The following FAT3 variants were observed in gnomAD, a reference collection of about 807,000 sequenced individuals.
The protein encoded by FAT3 is FAT atypical cadherin 3.
FAT3 carries 95 observed loss-of-function variants against 310.2 expected under a neutral mutation model. The observed-to-expected ratio is 0.31, with a 90% CI of 0.26 to 0.36. FAT3 has a LOEUF of 0.36. Among genes scored for constraint, FAT3 ranks in the 10% least tolerant of loss-of-function variants. The pLI, the probability that FAT3 is intolerant of heterozygous loss-of-function variation, is 1.00. For synonymous variants in FAT3, 2,314 were observed against 2,192.9 expected (o/e 1.06, Z -1.54); for missense variants, 5,408 against 5,715.6 (o/e 0.95, Z 1.74).
chr11:92,336,017 C>T, intron 1 of FAT3: 4 of 479,840 alleles, frequency 8.3e-6, no homozygotes, highest in South Asian at 6.4e-5. Flanking sequence ...TTCTTGAGCT[C>T]CACTCAGCAA....
At chr11:92,862,754 A>C (rs1949151208) in intron 21 of FAT3, among the ~76,000 whole-genome samples, 1 of 152,344 alleles carries the variant, frequency 6.6e-6, no homozygotes, top group East Asian at 1.9e-4. Flanking sequence ...ATTTTGTAGT[A>C]ATAATAAGAT....
chr11:92,520,740 C>T (rs1486028393), intron 2 of FAT3, among the ~76,000 whole-genome samples: 2 of 152,064 alleles, frequency 1.3e-5, no homozygotes, highest in Non-Finnish European at 2.9e-5. Context: ...GGATGAAACT[C>T]AGTAATTAAC....
At position 92,228,394 on chromosome 11, in the gene FAT3, G is replaced by A. The variant is rs1288500137; in HGVS notation, c.-18+3220G>A. 2.6e-5 allele frequency among the ~76,000 whole-genome samples: 4 copies of A among 152,152 alleles called. No individual in the cohort carries two copies. The South Asian group carries it at 6.2e-4, about 24-fold the overall frequency. Reference sequence around the variant, plus strand: ...GAGCTACTCAAAAATGAAATGAGTAGCAATAAACAGTGGATACCCACTGAC... The same window carrying A: ...GAGCTACTCAAAAATGAAATGAGTAACAATAAACAGTGGATACCCACTGAC... On this transcript the variant is annotated intron_variant, in intron 1 of 27. Transcript: ENST00000525166.
At chr11:92,682,933 C>T (rs1332252518) in intron 3 of FAT3, among the ~76,000 whole-genome samples, 2 of 152,020 alleles carry the variant, frequency 1.3e-5, no homozygotes, top group African/African-American at 2.4e-5. Context: ...CAAAAATTAG[C>T]CAGGCATGGT....
At chr11:92,774,369 G>A (rs978627884) in intron 7 of FAT3, among the ~76,000 whole-genome samples, 189 bp downstream of exon 7, 7 of 152,318 alleles carry the variant, frequency 4.6e-5, no homozygotes, top group African/African-American at 7.2e-5. Context: ...CTTAGCTGCC[G>A]CTTTCAAGAA....
intron 3 of FAT3, among the ~76,000 whole-genome samples, chr11:92,576,205 G>A (rs1182153323): frequency 6.6e-6 from 1 of 152,120 alleles, no homozygotes; most frequent in Non-Finnish European, 1.5e-5. Context: ...TGCCAGCTTT[G>A]TCACCGAGCT....
chr11:92,505,964 G>T (rs903125082), intron 2 of FAT3, among the ~76,000 whole-genome samples: 1 of 152,086 alleles, frequency 6.6e-6, no homozygotes, highest in Admixed American at 6.6e-5. Flanking sequence ...CGGGGTGGGG[G>T]ATAACTATAA....
chr11:92,341,027 G>A (rs1201531128), intron 1 of FAT3, among the ~76,000 whole-genome samples: 1 of 152,136 alleles, frequency 6.6e-6, no homozygotes, highest in Non-Finnish European at 1.5e-5. Flanking sequence ...TTCTACTCAG[G>A]CCAACTCTGA....
chr11:92,857,082 G>A, intron 19 of FAT3, 132 bp from the exon 20 acceptor site: 1 of 1,319,804 alleles, frequency 7.6e-7, no homozygotes, highest in Non-Finnish European at 1.1e-6. Flanking sequence ...GCATCTTTGT[G>A]ACTCAGCTCA....
intron 3 of FAT3, among the ~76,000 whole-genome samples, chr11:92,588,344 A>G (rs902656099): frequency 6.6e-6 from 1 of 151,720 alleles, no homozygotes; most frequent in East Asian, 1.9e-4. Flanking sequence ...TTTTTTTTTC[A>G]GTAAGTCATG....
chr11:92,318,140 C>G (rs1947515134), intron 1 of FAT3, among the ~76,000 whole-genome samples: 1 of 152,048 alleles, frequency 6.6e-6, no homozygotes, highest in Admixed American at 6.6e-5. Flanking sequence ...GTGTGGATTT[C>G]TAGAAAGGAG....
chr11:92,701,454 AG>A (rs1308188581), intron 4 of FAT3, among the ~76,000 whole-genome samples: 1 of 152,240 alleles, frequency 6.6e-6, no homozygotes, highest in Non-Finnish European at 1.5e-5. Context: ...GACTTGCTAA[AG>A]CAACAAAAGC....
chr11:92,605,728 T>TTTG (rs941135656), intron 3 of FAT3, among the ~76,000 whole-genome samples: 1 of 149,064 alleles, frequency 6.7e-6, no homozygotes, highest in African/African-American at 2.5e-5. Context: ...TGTTTTTTTT[T>TTTG]TTTTTTTTTT....
At chr11:92,386,037 A>G (rs1440471921) in intron 2 of FAT3, among the ~76,000 whole-genome samples, 1 of 151,256 alleles carries the variant, frequency 6.6e-6, no homozygotes, top group Middle Eastern at 3.4e-3. Context: ...AGTCCCAGCT[A>G]CTCAGGAAGC....
At chr11:92,419,880 C>T (rs935464792) in intron 2 of FAT3, among the ~76,000 whole-genome samples, 9 of 152,140 alleles carry the variant, frequency 5.9e-5, no homozygotes, top group African/African-American at 2.2e-4. Flanking sequence ...TCATAGGATA[C>T]TTGCCATCTT....
chr11:92,522,399 A>G (rs1273380074), intron 2 of FAT3, among the ~76,000 whole-genome samples: 4 of 152,130 alleles, frequency 2.6e-5, no homozygotes, highest in African/African-American at 9.7e-5. Context: ...TCTTAATGTC[A>G]TATTGACAAT....
At position 92,352,868 on chromosome 11, in the gene FAT3, T is replaced by C; in HGVS notation, c.756T>C (p.Leu252=). The change falls in exon 2 of 28, where the codon CTT becomes CTC. Residue 252 remains leucine, a synonymous_variant. Coordinates refer to ENST00000525166, the MANE Select transcript of FAT3 (RefSeq NM_001367949.2). ...ATGGAGTGAGCAGTACTGCAAAGCTTTATGTTCACATTGAGCGCATAAATG... is the reference window on the plus strand; with the variant it reads ...ATGGAGTGAGCAGTACTGCAAAGCTCTATGTTCACATTGAGCGCATAAATG... ...GNNGVSSTAK[L]YVHIERINEH... 27 of 1,613,892 alleles carry C rather than the reference T, an allele frequency of 1.7e-5. No individual in the cohort carries two copies. The highest frequency in any genetic ancestry group is 2.3e-5 in the Non-Finnish European group (27 of 1,179,866).
intron 1 of FAT3, among the ~76,000 whole-genome samples, chr11:92,308,988 C>T (rs1394944922): frequency 6.6e-6 from 1 of 152,046 alleles, no homozygotes; most frequent in Non-Finnish European, 1.5e-5. Flanking sequence ...GAATTCTACG[C>T]CCCCGGGACC....
In FAT3 at chr11:92,353,953, A is replaced by G. The variant is rs1280088503; in HGVS notation, c.1841A>G (p.Lys614Arg). ...DIDELELVKY[K>R]IISGNELGFF... ...GATGAACTTGAACTTGTAAAGTACA[A>G]AATCATTTCTGGAAATGAACTTGGC... Residue 614 changes from lysine (K) to arginine (R), a missense_variant, in exon 2 of 28, where the codon AAA becomes AGA. By Grantham distance (26) the Lys-to-Arg change is conservative. Coordinates refer to ENST00000525166, the MANE Select transcript of FAT3 (RefSeq NM_001367949.2). The G allele has an allele frequency of 1.9e-6, 3 of 1,612,618 alleles. No individual in the cohort carries two copies. Among genetic ancestry groups the G allele is most frequent in the African/African-American group, 1.3e-5 (1 of 74,908 alleles).
Sources: gnomAD v4.1 joint callset for allele counts (sites outside exome capture counted in the v4.1 genomes callset) on GRCh38, gnomAD v4.1.1 for gene constraint, MANE v1.5 for transcripts, NCBI Gene and HGNC (gene_info 2026-07-23, HGNC 2026-07-21) for gene names.